Variants in FOXP1 observed in about 807,000 individuals in gnomAD.
FOXP1 encodes forkhead box P1.
A neutral mutation model predicts 98.2 loss-of-function variants in FOXP1; 15 were observed. That is an observed-to-expected ratio of 0.15 (90% CI 0.10 to 0.24). FOXP1 has a LOEUF of 0.24. FOXP1 is among the 10% of genes least tolerant of loss of function. The pLI is 1.00. For missense variants in FOXP1, 633 were observed against 848.5 expected (o/e 0.75, Z 3.15); for synonymous variants, 371 against 314.5 (o/e 1.18, Z -1.90).
intron 7 of FOXP1, chr3:71,065,835 T>C (rs1188213188): frequency 6.6e-6 from 1 of 152,172 alleles, no homozygotes. Flanking sequence ...CTGAGTATAG[T>C]GTTTTTTTAA....
chr3:71,210,334 C>T (rs1313470512), intron 5 of FOXP1, among the ~76,000 whole-genome samples: 1 of 152,158 alleles, frequency 6.6e-6, no homozygotes, highest in Non-Finnish European at 1.5e-5. Context: ...TGTTTTGTTG[C>T]TCTGTGGTTT....
At chr3:71,085,448 G>T (rs947847099) in intron 7 of FOXP1, among the ~76,000 whole-genome samples, 1 of 151,826 alleles carries the variant, frequency 6.6e-6, no homozygotes. Flanking sequence ...ACTACGCCAG[G>T]CCCCACTTAG....
intron 6 of FOXP1, among the ~76,000 whole-genome samples, chr3:71,134,046 A>G (rs1318536300): frequency 6.6e-6 from 1 of 151,930 alleles, no homozygotes; most frequent in Non-Finnish European, 1.5e-5. Flanking sequence ...ACCCCCATTT[A>G]TGGAATTCTT....
At chr3:71,276,657 T>G (rs996909580) in intron 5 of FOXP1, among the ~76,000 whole-genome samples, 6 of 152,198 alleles carry the variant, frequency 3.9e-5, no homozygotes, top group African/African-American at 1.2e-4. Context: ...TGCATGGTGA[T>G]GCATAGATAC....
chr3:71,286,961 A>G (rs2072211802), intron 5 of FOXP1, among the ~76,000 whole-genome samples: 1 of 152,252 alleles, frequency 6.6e-6, no homozygotes, highest in Non-Finnish European at 1.5e-5. Flanking sequence ...AGACGTAGTT[A>G]CAATCACAAA....
chr3:71,002,875 A>G (rs1400094636), intron 12 of FOXP1, among the ~76,000 whole-genome samples: 1 of 152,198 alleles, frequency 6.6e-6, no homozygotes, highest in African/African-American at 2.4e-5. Context: ...CCACTCGATG[A>G]CACTGTTTGC....
intron 14 of FOXP1, among the ~76,000 whole-genome samples, chr3:70,981,873 G>A (rs974485473): frequency 6.6e-6 from 1 of 152,164 alleles, no homozygotes; most frequent in Non-Finnish European, 1.5e-5. Context: ...AACATGACTA[G>A]CCCGTGAGGG....
chr3:71,223,836 G>A (rs958371428), intron 5 of FOXP1, among the ~76,000 whole-genome samples: 12 of 152,212 alleles, frequency 7.9e-5, no homozygotes, highest in Non-Finnish European at 1.5e-4. Context: ...CCCCATTACT[G>A]CTTCAGTAAA....
chr3:71,169,506 A>C (rs1190346593), intron 6 of FOXP1, among the ~76,000 whole-genome samples: 5 of 152,192 alleles, frequency 3.3e-5, no homozygotes, highest in African/African-American at 1.2e-4. Flanking sequence ...ATGTTCCTTT[A>C]GTAAAATGCA....
At chr3:71,157,499 C>A (rs1331461117) in intron 6 of FOXP1, among the ~76,000 whole-genome samples, 1 of 152,160 alleles carries the variant, frequency 6.6e-6, no homozygotes, top group Non-Finnish European at 1.5e-5. Context: ...ATCATTAAAT[C>A]TGAATATGGT....
At chr3:71,270,116 A>C (rs1428625677) in intron 5 of FOXP1, among the ~76,000 whole-genome samples, 2 of 152,228 alleles carry the variant, frequency 1.3e-5, no homozygotes, top group Non-Finnish European at 2.9e-5. Flanking sequence ...TGCTCGTGGC[A>C]GAAGCATTTA....
At chr3:71,112,839 G>A (rs2058053447) in intron 6 of FOXP1, among the ~76,000 whole-genome samples, 1 of 152,098 alleles carries the variant, frequency 6.6e-6, no homozygotes, top group African/African-American at 2.4e-5. Context: ...GACTCGGCCA[G>A]TTTCATCCAC....
At chr3:71,086,494 A>T (rs985854903) in intron 7 of FOXP1, among the ~76,000 whole-genome samples, 1 of 152,206 alleles carries the variant, frequency 6.6e-6, no homozygotes, top group Non-Finnish European at 1.5e-5. Flanking sequence ...AAATGTCATG[A>T]TAATTTTATT....
intron 6 of FOXP1, chr3:71,130,512 G>T: frequency 6.3e-7 from 1 of 1,598,428 alleles, no homozygotes; most frequent in Non-Finnish European, 8.5e-7. Flanking sequence ...AAAATGAAGA[G>T]TTTGGCGAAG....
At chr3:71,546,351 T>C (rs1181576923) in intron 2 of FOXP1, among the ~76,000 whole-genome samples, 1 of 152,196 alleles carries the variant, frequency 6.6e-6, no homozygotes, top group African/African-American at 2.4e-5. Flanking sequence ...ATTTGCTCAT[T>C]AACTGAGCTT....
rs543740920 is a variant in FOXP1, at chr3:70,969,452, C to G, written c.1722+1284G>C. The G allele has an allele frequency of 3.6e-4, 55 of 152,210 alleles. 1 individual carries two copies. In the Middle Eastern group the frequency reaches 0.014, roughly 38 times the overall value. The allele number at this position is 152,210 out of a possible 1,614,324, so 9.4% of individuals were successfully genotyped here. A position where few individuals can be genotyped will look rare whatever the true frequency, so the allele number is the denominator to read the frequency against. On this transcript the variant is annotated intron_variant, in intron 19 of 20. Transcript: ENST00000649528. Reference sequence around the variant, plus strand: ...TCTAAACTGAAACTGGGTAAATGGCCTATCATCAATTCCCAGGAGCCTTAA... The same window carrying G: ...TCTAAACTGAAACTGGGTAAATGGCGTATCATCAATTCCCAGGAGCCTTAA...
Position 71,199,844 on chromosome 3 carries a change from G to A in FOXP1, c.-11-1452C>T, listed in dbSNP as rs1283763625. Reference sequence around the variant, plus strand: ...TGTAATCCCAGGACTTTGGGAGGCCGAGGCGGGTGGATCACGAGGTCAGGA... The same window carrying A: ...TGTAATCCCAGGACTTTGGGAGGCCAAGGCGGGTGGATCACGAGGTCAGGA... On this transcript the variant is annotated intron_variant, in intron 5 of 20. Transcript: ENST00000649528. 3.3e-5 allele frequency among the ~76,000 whole-genome samples: 5 copies of A among 152,066 alleles called. 1 individual carries two copies. The highest frequency in any genetic ancestry group is 3.9e-4 in the East Asian group (2 of 5,156).
intron 4 of FOXP1, among the ~76,000 whole-genome samples, chr3:71,317,336 G>A (rs997932146): frequency 1.3e-5 from 2 of 152,154 alleles, no homozygotes; most frequent in African/African-American, 2.4e-5. Context: ...CACTTGATCA[G>A]GTGTGGAGTA....
chr3:70,993,026 A>C (rs1220443057), intron 13 of FOXP1, among the ~76,000 whole-genome samples: 1 of 152,208 alleles, frequency 6.6e-6, no homozygotes, highest in African/African-American at 2.4e-5. Flanking sequence ...GACAGGGCCA[A>C]AGGGGGATAC....
Sources: allele counts gnomAD v4.1 joint callset (sites outside exome capture counted in the v4.1 genomes callset), GRCh38; gene constraint gnomAD v4.1.1; transcripts MANE v1.5; gene names NCBI Gene and HGNC (gene_info 2026-07-23, HGNC 2026-07-21).